Variants in LRFN5 observed in about 807,000 individuals in gnomAD.
The protein encoded by LRFN5 is leucine-rich repeat and fibronectin type-III domain-containing protein 5.
LRFN5 carries 24 observed loss-of-function variants against 45.6 expected under a neutral mutation model. The ratio of observed to expected loss-of-function variants is 0.53; its 90% CI spans 0.38 to 0.74. The LOEUF is 0.74. Ranked by LOEUF, LRFN5 falls within the 30% of genes least tolerant of loss-of-function variation. The pLI is 0.00. For missense variants in LRFN5, 776 were observed against 861.5 expected (o/e 0.90, Z 1.24); for synonymous variants, 340 against 313.8 (o/e 1.08, Z -0.88).
intron 1 of LRFN5, among the ~76,000 whole-genome samples, chr14:41,754,699 A>T: frequency 6.6e-6 from 1 of 151,166 alleles, no homozygotes; most frequent in East Asian, 1.9e-4. Flanking sequence ...AATTTTGTTG[A>T]TCTTTTCAAA....
intron 1 of LRFN5, among the ~76,000 whole-genome samples, chr14:41,693,406 C>A (rs1023001064): frequency 6.6e-6 from 1 of 152,024 alleles, no homozygotes; most frequent in East Asian, 1.9e-4. Flanking sequence ...TTCATTGACA[C>A]GTATTTTACT....
intron 2 of LRFN5, among the ~76,000 whole-genome samples, chr14:41,866,931 G>A (rs1889860558): frequency 6.6e-6 from 1 of 152,022 alleles, no homozygotes; most frequent in Non-Finnish European, 1.5e-5. Flanking sequence ...ACATAATATT[G>A]GATCATATTA....
At chr14:41,740,414 A>G (rs1333409068) in intron 1 of LRFN5, among the ~76,000 whole-genome samples, 2 of 152,044 alleles carry the variant, frequency 1.3e-5, no homozygotes, top group Middle Eastern at 3.2e-3. Context: ...GAGTTACACT[A>G]TATTAACAAA....
rs552350151 is a variant in LRFN5 at position 41,851,300 on chromosome 14, T to G, written c.-20-35306T>G. 2.0e-4 allele frequency among the ~76,000 whole-genome samples: 29 copies of G among 148,492 alleles called. No homozygotes were observed. In the South Asian group the frequency reaches 2.8e-3, roughly 14 times the overall value. On this transcript the variant is annotated intron_variant, in intron 2 of 5. Coordinates refer to ENST00000298119, the MANE Select transcript of LRFN5 (RefSeq NM_152447.5). ...TTCAGACTTACAATACTAACATGAA[T>G]TACATTCTGGTATATTTACTACTCA...
At chr14:41,859,244 G>A (rs969487147) in intron 2 of LRFN5, among the ~76,000 whole-genome samples, 1 of 152,074 alleles carries the variant, frequency 6.6e-6, no homozygotes, top group African/African-American at 2.4e-5. Context: ...CTAGCTACAT[G>A]TCATGAAAAA....
chr14:41,742,495 A>T (rs61291604), intron 1 of LRFN5: 1 of 152,136 alleles, frequency 6.6e-6, no homozygotes, highest in African/African-American at 2.4e-5. Context: ...AAAAAACTTG[A>T]TATCATCCTA....
intron 1 of LRFN5, among the ~76,000 whole-genome samples, chr14:41,638,375 C>G (rs1211525321): frequency 6.6e-6 from 1 of 152,064 alleles, no homozygotes; most frequent in Non-Finnish European, 1.5e-5. Flanking sequence ...ATAATTAATT[C>G]TATACTGTCA....
intron 1 of LRFN5, among the ~76,000 whole-genome samples, chr14:41,754,126 G>T (rs889568724): frequency 3.3e-5 from 5 of 152,158 alleles, no homozygotes; most frequent in Non-Finnish European, 7.3e-5. Flanking sequence ...ACTTGATCAT[G>T]GTGGATAAGC....
chr14:41,625,387 C>G (rs1888292331), intron 1 of LRFN5, among the ~76,000 whole-genome samples: 2 of 152,124 alleles, frequency 1.3e-5, no homozygotes, highest in South Asian at 2.1e-4. Flanking sequence ...GGCACTCATT[C>G]TTTCTCCTGT....
At chr14:41,674,448 G>C in intron 1 of LRFN5, among the ~76,000 whole-genome samples, 1 of 137,362 alleles carries the variant, frequency 7.3e-6, no homozygotes, top group Middle Eastern at 4.3e-3. Flanking sequence ...CCCAGTAGGG[G>C]CGGCCGGGCA....
chr14:41,633,123 A>G (rs1020723692), intron 1 of LRFN5, among the ~76,000 whole-genome samples: 2 of 152,046 alleles, frequency 1.3e-5, no homozygotes, highest in African/African-American at 2.4e-5. Context: ...AAACCAAATG[A>G]CAGTCTTAAA....
At chr14:41,861,393 T>C (rs540767897) in intron 2 of LRFN5, among the ~76,000 whole-genome samples, 21 of 152,360 alleles carry the variant, frequency 1.4e-4, no homozygotes, top group African/African-American at 4.8e-4. Flanking sequence ...ATATGCTTAT[T>C]ATATCATATT....
intron 1 of LRFN5, among the ~76,000 whole-genome samples, chr14:41,631,437 T>A (rs920020622): frequency 1.3e-5 from 2 of 152,170 alleles, no homozygotes; most frequent in Non-Finnish European, 2.9e-5. Context: ...TAGTCAAGTG[T>A]ACTGTGAATG....
At chr14:41,809,967 A>G (rs996922073) in intron 2 of LRFN5, among the ~76,000 whole-genome samples, 3 of 152,038 alleles carry the variant, frequency 2.0e-5, no homozygotes, top group Admixed American at 6.6e-5. Flanking sequence ...TACCAAAACT[A>G]TGACCAGAAA....
At chr14:41,752,205 A>G (rs1295174577) in intron 1 of LRFN5, among the ~76,000 whole-genome samples, 1 of 152,108 alleles carries the variant, frequency 6.6e-6, no homozygotes, top group East Asian at 1.9e-4. Flanking sequence ...TGCTATTTTG[A>G]GTAGTGCCAC....
chr14:41,849,177 C>CA (rs1330408501), intron 2 of LRFN5, among the ~76,000 whole-genome samples: 1 of 151,932 alleles, frequency 6.6e-6, no homozygotes, highest in Admixed American at 6.6e-5. Context: ...TTAGCTATTA[C>CA]AAAACCTTAT....
chr14:41,732,712 A>T (rs1233850368), intron 1 of LRFN5, among the ~76,000 whole-genome samples: 1 of 152,046 alleles, frequency 6.6e-6, no homozygotes, highest in African/African-American at 2.4e-5. Flanking sequence ...ACATACAAGG[A>T]AACAAGAAAA....
intron 1 of LRFN5, among the ~76,000 whole-genome samples, chr14:41,734,659 A>T (rs1443587967): frequency 6.6e-6 from 1 of 151,660 alleles, no homozygotes; most frequent in Non-Finnish European, 1.5e-5. Flanking sequence ...ATTCATTTAC[A>T]TTCAAAGTAA....
Position 41,891,801 on chromosome 14 carries a change from A to C in LRFN5, c.1937A>C (p.Lys646Thr). 1 of 1,614,200 alleles carries C rather than the reference A, an allele frequency of 6.2e-7. No individual in the cohort carries two copies. Among genetic ancestry groups the C allele is most frequent in the South Asian group, 1.1e-5 (1 of 91,082 alleles). The part of the protein sequence containing the change: ...STSVSQKQKR[K>T]TGTKPSTEPQ... ...TCTGTGTCCCAAAAGCAGAAAAGAA[A>C]GACTGGCACAAAGCCAAGTACAGAA... Residue 646 changes from lysine (K) to threonine (T), a missense_variant, in exon 4 of 6, where the codon AAG becomes ACG. Around this residue, in one of 2 missense-constraint regions of LRFN5, gnomAD observed 465 missense variants for 456.4 expected, o/e 1.02. Transcript: ENST00000298119.
Sources: gnomAD v4.1 joint callset for allele counts (sites outside exome capture counted in the v4.1 genomes callset) on GRCh38, gnomAD v4.1.1 for gene constraint, gnomAD v4.1.1 regional missense constraint, MANE v1.5 for transcripts, NCBI Gene and HGNC (gene_info 2026-07-23, HGNC 2026-07-21) for gene names.